Variants in ZNF624 observed in about 807,000 individuals in gnomAD.
ZNF624 encodes zinc finger protein 624.
Under a neutral mutation model 74.7 loss-of-function variants are expected in ZNF624, and 43 were observed. The ratio of observed to expected loss-of-function variants is 0.58; its 90% CI spans 0.45 to 0.74. The LOEUF (loss-of-function observed/expected upper bound fraction) is 0.74. Ranked by LOEUF, ZNF624 falls within the 30% of genes least tolerant of loss-of-function variation. The pLI is 0.00. For missense variants in ZNF624, 820 were observed against 1,030.0 expected, an observed-to-expected ratio of 0.80 and a Z score of 2.79; for synonymous variants, 331 against 341.3, an observed-to-expected ratio of 0.97 and a Z score of 0.33.
At chr17:16,651,853 G>A (rs1256326795) in intron 1 of ZNF624, among the ~76,000 whole-genome samples, 2 of 152,104 alleles carry the variant, frequency 1.3e-5, no homozygotes, top group Non-Finnish European at 2.9e-5. Context: ...AGGATCTCTA[G>A]ATGTGAGGCA....
chr17:16,619,827 G>A (rs986224051), downstream of ZNF624, among the ~76,000 whole-genome samples: 2 of 152,250 alleles, frequency 1.3e-5, no homozygotes, highest in Admixed American at 1.3e-4. Context: ...GGAGGGTTTA[G>A]ATGTAGTGAG....
At chr17:16,615,956 C>CATACATAT (rs58603208), downstream of ZNF624, among the ~76,000 whole-genome samples, 283 of 89,986 alleles carry the variant, frequency 3.1e-3, 2 homozygotes, top group African/African-American at 9.1e-3. Flanking sequence ...ATTCCATATA[C>CATACATAT]ATATATATAT....
chr17:16,651,964 T>C (rs1227348865), intron 1 of ZNF624, among the ~76,000 whole-genome samples: 1 of 152,142 alleles, frequency 6.6e-6, no homozygotes, highest in African/African-American at 2.4e-5. Context: ...ATGTTTTAGT[T>C]TTAGTGTAAT....
At chr17:16,640,203 TA>T (rs1403639071) in intron 3 of ZNF624, among the ~76,000 whole-genome samples, 1 of 151,980 alleles carries the variant, frequency 6.6e-6, no homozygotes, top group Non-Finnish European at 1.5e-5. Context: ...AGACAAGAAG[TA>T]AAAATTTATA....
chr17:16,652,726 T>G (rs1297561955), intron 1 of ZNF624, among the ~76,000 whole-genome samples: 2 of 152,206 alleles, frequency 1.3e-5, no homozygotes, highest in African/African-American at 2.4e-5. Flanking sequence ...TTTCTGCTTT[T>G]CTGTACTCTC....
chr17:16,631,098 A>G (rs1221850129), intron 5 of ZNF624, among the ~76,000 whole-genome samples: 1 of 152,220 alleles, frequency 6.6e-6, no homozygotes, highest in Non-Finnish European at 1.5e-5. Flanking sequence ...AGTAGAATTA[A>G]AGTCAACAAG....
At chr17:16,627,343 C>A (rs535130814) in intron 5 of ZNF624, among the ~76,000 whole-genome samples, 29 of 152,262 alleles carry the variant, frequency 1.9e-4, no homozygotes, top group South Asian at 1.0e-3. Flanking sequence ...TACTCCCAGA[C>A]AACAAGCATA....
intron 1 of ZNF624, among the ~76,000 whole-genome samples, chr17:16,652,704 T>C (rs1051775620): frequency 2.6e-5 from 4 of 152,302 alleles, no homozygotes; most frequent in Admixed American, 6.5e-5. Flanking sequence ...GGGGCTGTGA[T>C]GTTTACCCTT....
Position 16,623,996 on chromosome 17 carries a change from G to A in ZNF624, c.890C>T (p.Thr297Ile). 1 of 1,613,736 alleles carries A rather than the reference G, an allele frequency of 6.2e-7. No homozygotes were observed. Residue 297 changes from threonine to isoleucine, a missense_variant, in exon 6 of 6, where the codon ACT (threonine) becomes ATT (isoleucine). By Grantham distance (89) the Thr-to-Ile change is moderately conservative. Transcript: ENST00000311331. This position sits in a 1 kb window ranked among gnomAD's most constrained non-coding sequence, Gnocchi z 5.3. The part of the protein sequence containing the change: ...YRSLLIQHQR[T>I]HTKEKPYECN... The stretch of plus-strand genomic sequence containing the variant: ...TTCATAAGGTTTTTCTTTAGTATGA[G>A]TTCTTTGATGTTGAATGAGCAATGA...
chr17:16,622,052 TGAGTA>T lies in ZNF624; in HGVS notation c.*231_*235del. 1 of 320,232 alleles carries T rather than the reference TGAGTA, an allele frequency of 3.1e-6. No homozygotes were observed. Among genetic ancestry groups the T allele is most frequent in the Non-Finnish European group, 5.6e-6 (1 of 177,036 alleles). 19.8% of individuals were successfully genotyped at this position (320,232 alleles called of 1,614,324 possible). A position where few individuals can be genotyped will look rare whatever the true frequency, so the allele number is the denominator to read the frequency against. On this transcript the variant is annotated 3_prime_UTR_variant, in exon 6 of 6. Transcript: ENST00000311331. ...AATTAACTAAAGATAATTTGTTAAA[TGAGTA>T]AAGTATGAAATCTGGATGAACACTT...
rs748854013 is a variant in ZNF624, at chr17:16,622,609, T to A, written c.2277A>T (p.Lys759Asn). ...TAAGGTAAGAACCCCTCCTGAAGGC[T>A]TTTCCACAGACATCACACTTATAGG... ...EKPYKCDVCGKAFRRGSYLTV... is the reference protein window; with the variant it reads ...EKPYKCDVCGNAFRRGSYLTV... Residue 759 changes from lysine (K) to asparagine (N), a missense_variant, in exon 6 of 6, where the codon AAA (lysine) becomes AAT (asparagine). By Grantham distance (94) the Lys-to-Asn change is moderately conservative (BLOSUM62 0). Coordinates refer to ENST00000311331, the MANE Select transcript of ZNF624 (RefSeq NM_020787.4). 6.2e-7 allele frequency: 1 copy of A among 1,614,030 alleles called. No individual in the cohort carries two copies. Among genetic ancestry groups the A allele is most frequent in the Non-Finnish European group, 8.5e-7 (1 of 1,179,954 alleles).
the ZNF624 span, among the ~76,000 whole-genome samples, chr17:16,614,346 A>G: frequency 6.6e-6 from 1 of 152,196 alleles, no homozygotes; most frequent in Non-Finnish European, 1.5e-5. Flanking sequence ...CCAGGACTGA[A>G]GAAGGGAACA....
intron 3 of ZNF624, among the ~76,000 whole-genome samples, chr17:16,644,522 A>C (rs1479924041): frequency 6.6e-6 from 1 of 152,230 alleles, no homozygotes; most frequent in Non-Finnish European, 1.5e-5. Context: ...AAAATTGTTG[A>C]TTCTAAGATA....
In ZNF624 at chr17:16,620,787, T is replaced by A. The variant is rs1042107750; in HGVS notation, c.*1501A>T. On this transcript the variant is annotated 3_prime_UTR_variant, in exon 6 of 6. Transcript: ENST00000311331. ...TTACAGGTTCATTGCAAGGAAAAAA[T>A]TAACTTAAAAACACAGAAAAGAAAG... 6.6e-6 allele frequency: 1 copy of A among 151,986 alleles called. No homozygotes were observed. Among genetic ancestry groups the A allele is most frequent in the African/African-American group, 2.4e-5 (1 of 41,388 alleles). The allele number at this position is 151,986 out of a possible 1,614,324, so 9.4% of individuals were successfully genotyped here. A position where few individuals can be genotyped will look rare whatever the true frequency, so the allele number is the denominator to read the frequency against.
intron 3 of ZNF624, 84 bp from the exon 4 acceptor site, chr17:16,634,840 C>A (rs1020289064): frequency 1.5e-5 from 19 of 1,309,814 alleles, no homozygotes; most frequent in Non-Finnish European, 2.0e-5. Flanking sequence ...TGGGGAAGAG[C>A]CCCAGAAACC....
intron 5 of ZNF624, among the ~76,000 whole-genome samples, chr17:16,625,949 T>A (rs1035512341): frequency 6.6e-6 from 1 of 151,210 alleles, no homozygotes; most frequent in Non-Finnish European, 1.5e-5. Context: ...TTTATGATTT[T>A]TTTTTTTTTT....
chr17:16,615,245 C>T, the ZNF624 span, among the ~76,000 whole-genome samples: 2 of 152,106 alleles, frequency 1.3e-5, no homozygotes, highest in Non-Finnish European at 2.9e-5. Flanking sequence ...ATACAGGCGC[C>T]CACCACCACG....
chr17:16,615,956 CATATATATATATATATATATAT>C (rs56321425), downstream of ZNF624, among the ~76,000 whole-genome samples: 2,904 of 90,388 alleles, frequency 0.032, 180 homozygotes, highest in African/African-American at 0.1. Context: ...ATTCCATATA[CATATATATATATATATATATAT>C]ATATATATAT....
chr17:16,652,073 C>A (rs537671183), intron 1 of ZNF624, among the ~76,000 whole-genome samples: 1 of 151,890 alleles, frequency 6.6e-6, no homozygotes, highest in East Asian at 1.9e-4. Flanking sequence ...GTATAATGTA[C>A]GTTATTCTAG....
Sources: allele counts gnomAD v4.1 joint callset (sites outside exome capture counted in the v4.1 genomes callset), GRCh38; gene constraint gnomAD v4.1.1; non-coding constraint Gnocchi (gnomAD v3.1); transcripts MANE v1.5; gene names NCBI Gene and HGNC (gene_info 2026-07-23, HGNC 2026-07-21).